Variants in LRRC4 observed in about 807,000 individuals in gnomAD.
The protein encoded by LRRC4 is leucine rich repeat containing 4, also known as leucine-rich repeat-containing protein 4.
A neutral mutation model predicts 37.9 loss-of-function variants in LRRC4; 11 were observed. That is an observed-to-expected ratio of 0.29 (90% CI 0.18 to 0.48). LRRC4 has a LOEUF of 0.48. LRRC4 is among the 20% of genes least tolerant of loss of function. The pLI, the probability that LRRC4 is intolerant of heterozygous loss-of-function variation, is 0.99. For synonymous variants in LRRC4, 404 were observed against 346.7 expected, an observed-to-expected ratio of 1.17 and a Z score of -1.84; for missense variants, 717 against 842.1, an observed-to-expected ratio of 0.85 and a Z score of 1.84.
Position 128,029,153 on chromosome 7 carries a change from C to G in LRRC4, c.1488G>C (p.Gln496His), listed in dbSNP as rs374792277. ...CCACCTGCTTGGGCACACGGGTAGT[C>G]TGAATGAGCACCGTGGTAGAGGTGG... Reference protein sequence around the residue: ...AYTTSTTVLIQTTRVPKQVAV... With the variant: ...AYTTSTTVLIHTTRVPKQVAV... The change falls in exon 2 of 2, where the codon CAG becomes CAC. Residue 496 changes from glutamine to histidine, a missense_variant. Transcript: ENST00000249363. The surrounding 1 kb of genome is among the most constrained non-coding windows in gnomAD (Gnocchi z 4.2). 5.6e-6 allele frequency: 9 copies of G among 1,613,956 alleles called. No homozygotes were observed. In the East Asian group the frequency reaches 6.7e-5, roughly 12 times the overall value.
chr7:128,029,036 T>G lies in LRRC4; in HGVS notation c.1605A>C (p.Ala535=). ...ACATGGCGGCAGCTAGCAGAGTCACTGCCACAAAGCAGCCAATGATGATCT... is the reference window on the plus strand; with the variant it reads ...ACATGGCGGCAGCTAGCAGAGTCACGGCCACAAAGCAGCCAATGATGATCT... ...TTKIIIGCFV[A]VTLLAAAMLI... Residue 535 remains alanine, a synonymous_variant, in exon 2 of 2, where the codon GCA becomes GCC. Coordinates refer to ENST00000249363, the MANE Select transcript of LRRC4 (RefSeq NM_022143.5). The surrounding 1 kb of genome is among the most constrained non-coding windows in gnomAD (Gnocchi z 4.2). 6.2e-7 allele frequency: 1 copy of G among 1,614,020 alleles called. No individual in the cohort carries two copies. Among genetic ancestry groups the G allele is most frequent in the Non-Finnish European group, 8.5e-7 (1 of 1,179,986 alleles).
Position 128,028,877 on chromosome 7 carries a change from G to A in LRRC4, c.1764C>T (p.Ser588=), listed in dbSNP as rs139849197. Residue 588 remains serine (S), a synonymous_variant, in exon 2 of 2, where the codon TCC becomes TCT. Transcript: ENST00000249363. The part of the protein sequence containing the change: ...ATSAAATAAP[S]GVSGEGAVVL... ...CTACTGCCCCCTCACCTGATACACC[G>A]GACGGAGCTGCTGTTGCTGCTGCGG... 579 of 1,613,982 alleles carry A rather than the reference G, an allele frequency of 3.6e-4. 1 individual carries two copies. The highest frequency in any genetic ancestry group is 4.5e-4 in the Non-Finnish European group (536 of 1,179,988).
chr7:128,028,487 G>T lies in LRRC4; in HGVS notation c.*192C>A. 1.5e-4 allele frequency: 72 copies of T among 482,668 alleles called. No individual in the cohort carries two copies. The highest frequency in any genetic ancestry group is 6.1e-4 in the Middle Eastern group (1 of 1,634). The allele number at this position is 482,668 out of a possible 1,614,324, so 29.9% of individuals were successfully genotyped here. Reference sequence around the variant, plus strand: ...GATTCCCCCCCACCCCCTTTAAATAGAACTTACAAGTTAGAAAATATTTTT... The same window carrying T: ...GATTCCCCCCCACCCCCTTTAAATATAACTTACAAGTTAGAAAATATTTTT... On this transcript the variant is annotated 3_prime_UTR_variant, in exon 2 of 2. Coordinates refer to ENST00000249363, the MANE Select transcript of LRRC4 (RefSeq NM_022143.5).
Sources: allele counts gnomAD v4.1 joint callset, GRCh38; gene constraint gnomAD v4.1.1; non-coding constraint Gnocchi (gnomAD v3.1); transcripts MANE v1.5; gene names NCBI Gene and HGNC (gene_info 2026-07-23, HGNC 2026-07-21).